OR51B5: variants seen among roughly 807,000 people sequenced by gnomAD.
OR51B5 encodes the protein olfactory receptor 51B5.
For synonymous variants in OR51B5, 186 were observed against 144.8 expected (o/e 1.28, Z -2.04); for missense variants, 456 against 374.6 (o/e 1.22, Z -1.79).
chr11:5,374,624 A>G (rs539621140), intron 1 of OR51B5, among the ~76,000 whole-genome samples: 122 of 152,356 alleles, frequency 8.0e-4, no homozygotes, highest in African/African-American at 2.9e-3. Context: ...TAACCAATAC[A>G]GAGAAGTGCT....
chr11:5,426,356 G>A (rs1448908828), intron 1 of OR51B5, among the ~76,000 whole-genome samples: 1 of 152,088 alleles, frequency 6.6e-6, no homozygotes, highest in Non-Finnish European at 1.5e-5. Flanking sequence ...AAGTTTAATG[G>A]AAACAAAATT....
chr11:5,382,329 CTTAA>C (rs1395846987), intron 1 of OR51B5, among the ~76,000 whole-genome samples: 3 of 152,138 alleles, frequency 2.0e-5, no homozygotes, highest in East Asian at 1.9e-4. Context: ...GTGGTTGATT[CTTAA>C]TTAGTCTTCA....
chr11:5,480,808 G>A (rs1225569820), intron 1 of OR51B5, among the ~76,000 whole-genome samples: 3 of 131,596 alleles, frequency 2.3e-5, no homozygotes, highest in Non-Finnish European at 4.9e-5. Flanking sequence ...ACTAAACCAG[G>A]AAGAAGTTGA....
In OR51B5 at chr11:5,421,892, C is replaced by A. The variant is rs571382581; in HGVS notation, n.85-74982G>T. Among the ~76,000 whole-genome samples, 9 of 152,260 alleles carry A rather than the reference C, an allele frequency of 5.9e-5. No homozygotes were observed. The South Asian group carries it at 1.9e-3, about 32-fold the overall frequency. ...TTGATAGTGAGATTTGTATGAAAGGCTGATTTAAATGTGCTGAAAACTGAA... is the reference window on the plus strand; with the variant it reads ...TTGATAGTGAGATTTGTATGAAAGGATGATTTAAATGTGCTGAAAACTGAA... On this transcript the variant is annotated intron_variant and non_coding_transcript_variant, in intron 1 of 4. Coordinates refer to the OR51B5 transcript ENST00000415970.
chr11:5,474,875 G>A (rs1358293411), intron 1 of OR51B5, among the ~76,000 whole-genome samples: 2 of 152,170 alleles, frequency 1.3e-5, no homozygotes, highest in Non-Finnish European at 2.9e-5. Context: ...ATTTGCTTTA[G>A]AGAGTAAGTT....
chr11:5,404,603 C>T (rs1850032247), intron 1 of OR51B5, among the ~76,000 whole-genome samples: 1 of 152,164 alleles, frequency 6.6e-6, no homozygotes. Context: ...AAGCTGGCTG[C>T]CCAAGCCAGC....
chr11:5,405,288 T>G lies in OR51B5; in HGVS notation n.85-58378A>C, dbSNP rs189403700. Among the ~76,000 whole-genome samples the G allele has an allele frequency of 1.5e-3, 230 of 152,338 alleles. 1 individual carries two copies. The highest frequency in any genetic ancestry group is 6.8e-3 in the Middle Eastern group (2 of 294). ...TGATGTTTACATACAGTAAACATCT[T>G]GCTCAAATCTATGCATCTAAGACCT... On this transcript the variant is annotated intron_variant and non_coding_transcript_variant, in intron 1 of 4. Coordinates refer to the OR51B5 transcript ENST00000415970.
intron 1 of OR51B5, among the ~76,000 whole-genome samples, chr11:5,352,727 T>C (rs1849118683): frequency 6.6e-6 from 1 of 151,806 alleles, no homozygotes; most frequent in African/African-American, 2.4e-5. Context: ...GATTAGCTTA[T>C]GGCTGGCACC....
intron 1 of OR51B5, among the ~76,000 whole-genome samples, chr11:5,448,397 G>T (rs1850801057): frequency 6.6e-6 from 1 of 152,134 alleles, no homozygotes; most frequent in African/African-American, 2.4e-5. Context: ...AGAGACTATT[G>T]TTGCATTGAG....
At chr11:5,468,980 A>G in intron 1 of OR51B5, 1 of 345,138 alleles carries the variant, frequency 2.9e-6, no homozygotes, top group Admixed American at 3.9e-5. Context: ...GACAATGGAT[A>G]TGCCATTGTG....
intron 1 of OR51B5, among the ~76,000 whole-genome samples, chr11:5,427,875 GA>G (rs1390944940): frequency 6.6e-6 from 1 of 152,046 alleles, no homozygotes; most frequent in Non-Finnish European, 1.5e-5. Context: ...AAAGAATTAT[GA>G]TATGGTGAAT....
intron 1 of OR51B5, chr11:5,454,184 G>A: frequency 6.2e-7 from 1 of 1,608,680 alleles, no homozygotes; most frequent in Non-Finnish European, 8.5e-7. Context: ...CTTCCCGTGA[G>A]GAACGCCTCA....
chr11:5,486,129 G>A (rs1851495302), intron 1 of OR51B5, among the ~76,000 whole-genome samples: 2 of 45,014 alleles, frequency 4.4e-5, no homozygotes, highest in Admixed American at 3.0e-4. Context: ...AACTGTGAGA[G>A]AATATGTTTC....
At chr11:5,430,149 T>A (rs925398038) in intron 1 of OR51B5, among the ~76,000 whole-genome samples, 2 of 152,198 alleles carry the variant, frequency 1.3e-5, no homozygotes, top group African/African-American at 4.8e-5. Context: ...GGAAAACAGA[T>A]GTAAACCATG....
intron 1 of OR51B5, among the ~76,000 whole-genome samples, chr11:5,413,113 G>C (rs1052356693): frequency 5.3e-5 from 8 of 152,178 alleles, no homozygotes; most frequent in Admixed American, 3.9e-4. Context: ...TCAGACAGCA[G>C]CATTCGCGGT....
intron 1 of OR51B5, among the ~76,000 whole-genome samples, chr11:5,488,475 A>T (rs1484478118): frequency 6.6e-6 from 1 of 152,160 alleles, no homozygotes; most frequent in Non-Finnish European, 1.5e-5. Flanking sequence ...GGTGCTTTGG[A>T]TATAGAACTC....
intron 1 of OR51B5, among the ~76,000 whole-genome samples, chr11:5,443,730 C>A (rs939375349): frequency 6.6e-6 from 1 of 151,916 alleles, no homozygotes; most frequent in Non-Finnish European, 1.5e-5. Flanking sequence ...AGAAAATTCC[C>A]CACCACCACC....
intron 1 of OR51B5, among the ~76,000 whole-genome samples, chr11:5,396,609 G>A (rs1400191877): frequency 5.3e-5 from 8 of 151,866 alleles, no homozygotes; most frequent in African/African-American, 1.5e-4. Flanking sequence ...AAACAATATC[G>A]TGAAAATGGC....
chr11:5,372,293 A>G (rs4462380), intron 1 of OR51B5, among the ~76,000 whole-genome samples: 41,239 of 152,058 alleles, frequency 0.27, 5,872 homozygotes, highest in African/African-American at 0.33. Flanking sequence ...TACAGCAGAG[A>G]AATTTCTTCA....
Sources: gnomAD v4.1 joint callset for allele counts (sites outside exome capture counted in the v4.1 genomes callset) on GRCh38, gnomAD v4.1.1 for gene constraint, MANE v1.5 for transcripts, NCBI Gene and HGNC (gene_info 2026-07-23, HGNC 2026-07-21) for gene names.